HIBADH: variants seen among roughly 807,000 people sequenced by gnomAD.
HIBADH encodes the protein 3-hydroxyisobutyrate dehydrogenase, mitochondrial.
A neutral mutation model predicts 36.1 loss-of-function variants in HIBADH; 25 were observed. The observed-to-expected ratio is 0.69, with a 90% CI of 0.50 to 0.97. The LOEUF (loss-of-function observed/expected upper bound fraction) is 0.97. Among genes scored for constraint, HIBADH ranks in the 50% least tolerant of loss-of-function variants. HIBADH has a pLI of 0.00. For synonymous variants in HIBADH, 160 were observed against 149.5 expected (o/e 1.07, Z -0.51); for missense variants, 421 against 418.0 (o/e 1.01, Z -0.06).
chr7:27,662,755 A>C lies in HIBADH; in HGVS notation c.34T>G (p.Ser12Ala). The change falls in exon 1 of 8, where the codon TCC (serine) becomes GCC (alanine). Residue 12 changes from serine (S) to alanine (A), a missense_variant. By Grantham distance (99) the Ser-to-Ala change is moderately conservative. Transcript: ENST00000265395. ...CGCCGGCTCCAGTACCGGAGACCGGAGGCAGCTCCGAGGAGCCGTAAGGAG... is the reference window on the plus strand; with the variant it reads ...CGCCGGCTCCAGTACCGGAGACCGGCGGCAGCTCCGAGGAGCCGTAAGGAG... ...AASLRLLGAA[S>A]GLRYWSRRLR... 7 of 1,441,470 alleles carry C rather than the reference A, an allele frequency of 4.9e-6. No homozygotes were observed. Among genetic ancestry groups the C allele is most frequent in the Non-Finnish European group, 4.6e-6 (5 of 1,094,740 alleles). 89.3% of individuals were successfully genotyped at this position (1,441,470 alleles called of 1,614,324 possible).
intron 4 of HIBADH, among the ~76,000 whole-genome samples, chr7:27,627,134 T>C (rs1422492525): frequency 6.6e-6 from 1 of 152,152 alleles, no homozygotes; most frequent in Admixed American, 6.5e-5. Flanking sequence ...TCATGCGGCA[T>C]GCTGACCACC....
At chr7:27,553,023 G>A (rs1279162786) in intron 4 of HIBADH, among the ~76,000 whole-genome samples, 1 of 152,156 alleles carries the variant, frequency 6.6e-6, no homozygotes, top group African/African-American at 2.4e-5. Context: ...ATACGATTGT[G>A]AAACATCTTA....
intron 2 of HIBADH, among the ~76,000 whole-genome samples, chr7:27,637,389 A>T (rs939300736): frequency 1.3e-5 from 2 of 152,188 alleles, no homozygotes; most frequent in Non-Finnish European, 2.9e-5. Flanking sequence ...ATTATCAGTT[A>T]CGTTTTTTAA....
At chr7:27,578,481 A>AT (rs371410223) in intron 4 of HIBADH, among the ~76,000 whole-genome samples, 2,012 of 151,820 alleles carry the variant, frequency 0.013, 14 homozygotes, top group Non-Finnish European at 0.02. Context: ...CACCTGGCTG[A>AT]TTTTTTTTGT....
chr7:27,552,489 T>C (rs1784332116), intron 4 of HIBADH, among the ~76,000 whole-genome samples: 1 of 152,190 alleles, frequency 6.6e-6, no homozygotes, highest in Non-Finnish European at 1.5e-5. Context: ...GAGTAAGGCT[T>C]GTCTTTCAGG....
At chr7:27,582,661 T>A (rs1438075821) in intron 4 of HIBADH, among the ~76,000 whole-genome samples, 6 of 152,232 alleles carry the variant, frequency 3.9e-5, no homozygotes, top group African/African-American at 1.4e-4. Flanking sequence ...GAGATCTAAG[T>A]GTATGGGACT....
rs536056286 is a variant in HIBADH at position 27,560,879 on chromosome 7, A to G, written c.485-17779T>C. Among the ~76,000 whole-genome samples, 21 of 152,330 alleles carry G rather than the reference A, an allele frequency of 1.4e-4. No homozygotes were observed. The South Asian group carries it at 4.3e-3, about 32-fold the overall frequency. Reference sequence around the variant, plus strand: ...TGTTTAATTTTTTGCAGAACCACCAATATCATTTTCCACAGTGGTTGCACT... The same window carrying G: ...TGTTTAATTTTTTGCAGAACCACCAGTATCATTTTCCACAGTGGTTGCACT... On this transcript the variant is annotated intron_variant, in intron 4 of 7. Transcript: ENST00000265395.
chr7:27,566,916 GTTC>G (rs771984274), intron 4 of HIBADH, among the ~76,000 whole-genome samples: 1 of 152,046 alleles, frequency 6.6e-6, no homozygotes, highest in African/African-American at 2.4e-5. Context: ...TTTAATTCTA[GTTC>G]TTTTCAAATT....
chr7:27,570,912 C>T (rs114273190), intron 4 of HIBADH, among the ~76,000 whole-genome samples: 1,635 of 152,138 alleles, frequency 0.011, 26 homozygotes, highest in African/African-American at 0.037. Flanking sequence ...GGGTTTATGT[C>T]AATTCTGAAA....
At chr7:27,624,043 C>G (rs934564271) in intron 4 of HIBADH, among the ~76,000 whole-genome samples, 1 of 152,206 alleles carries the variant, frequency 6.6e-6, no homozygotes, top group Admixed American at 6.5e-5. Context: ...GGTGATCCAC[C>G]TGCCTTGGCT....
chr7:27,575,575 C>T (rs1784696641), intron 4 of HIBADH, among the ~76,000 whole-genome samples: 1 of 151,992 alleles, frequency 6.6e-6, no homozygotes, highest in Non-Finnish European at 1.5e-5. Context: ...AATCTCAGAA[C>T]AGTGAGGTGG....
intron 4 of HIBADH, among the ~76,000 whole-genome samples, chr7:27,583,794 A>T (rs977913289): frequency 4.6e-5 from 7 of 151,998 alleles, no homozygotes; most frequent in African/African-American, 7.2e-5. Flanking sequence ...TATGTGGATT[A>T]TATCTATTGG....
chr7:27,565,693 G>A (rs758242766), intron 4 of HIBADH, among the ~76,000 whole-genome samples: 13 of 152,280 alleles, frequency 8.5e-5, no homozygotes, highest in South Asian at 6.2e-4. Context: ...ACTAAGCAGT[G>A]AGAGTAGATA....
At chr7:27,535,095 A>G (rs1461009925) in intron 6 of HIBADH, among the ~76,000 whole-genome samples, 1 of 150,272 alleles carries the variant, frequency 6.7e-6, no homozygotes, top group Non-Finnish European at 1.5e-5. Context: ...AGAAATTTGT[A>G]TGATGGATAA....
At chr7:27,660,975 C>T (rs1454290885) in intron 1 of HIBADH, among the ~76,000 whole-genome samples, 1 of 152,132 alleles carries the variant, frequency 6.6e-6, no homozygotes, top group Non-Finnish European at 1.5e-5. Flanking sequence ...CCTTGTAAAA[C>T]CACTAAACAG....
At chr7:27,637,978 T>C (rs1361808652) in intron 2 of HIBADH, among the ~76,000 whole-genome samples, 2 of 152,182 alleles carry the variant, frequency 1.3e-5, no homozygotes, top group Non-Finnish European at 2.9e-5. Flanking sequence ...ATAATCAATT[T>C]TGTTAAAATG....
intron 6 of HIBADH, among the ~76,000 whole-genome samples, chr7:27,531,883 G>A (rs1784008808): frequency 6.9e-6 from 1 of 144,782 alleles, no homozygotes; most frequent in African/African-American, 2.6e-5. Flanking sequence ...CTGTAAACGA[G>A]CTTAAGAAAA....
intron 4 of HIBADH, among the ~76,000 whole-genome samples, chr7:27,571,334 T>C (rs1784625848): frequency 6.6e-6 from 1 of 152,166 alleles, no homozygotes; most frequent in South Asian, 2.1e-4. Flanking sequence ...GTGATTCTCC[T>C]GCCTCAGACT....
chr7:27,632,322 T>G lies in HIBADH; in HGVS notation c.362+14A>C. ...ATCATAACAAGAAAATATCCACAGG[T>G]GAGAAATACATACTTTAGAATCCCA... On this transcript the variant is annotated intron_variant, in intron 3 of 7. Coordinates refer to ENST00000265395, the MANE Select transcript of HIBADH (RefSeq NM_152740.4). 2 of 1,475,312 alleles carry G rather than the reference T, an allele frequency of 1.4e-6. No homozygotes were observed. Among genetic ancestry groups the G allele is most frequent in the Non-Finnish European group, 1.9e-6 (2 of 1,054,430 alleles). 91.4% of individuals were successfully genotyped at this position (1,475,312 alleles called of 1,614,324 possible). A position where few individuals can be genotyped will look rare whatever the true frequency, so the allele number is the denominator to read the frequency against.
Sources: allele counts gnomAD v4.1 joint callset (sites outside exome capture counted in the v4.1 genomes callset), GRCh38; gene constraint gnomAD v4.1.1; transcripts MANE v1.5; gene names NCBI Gene and HGNC (gene_info 2026-07-23, HGNC 2026-07-21).